FBXL7: variants seen among roughly 807,000 people sequenced by gnomAD.
FBXL7 encodes F-box and leucine rich repeat protein 7, also known as F-box/LRR-repeat protein 7.
In FBXL7, 12 loss-of-function variants were observed where a neutral mutation model predicts 38.3. The ratio of observed to expected loss-of-function variants is 0.31; its 90% CI spans 0.20 to 0.51. The LOEUF (loss-of-function observed/expected upper bound fraction) is 0.51, where lower values mean the gene tolerates loss of function less well. Among genes scored for constraint, FBXL7 ranks in the 20% least tolerant of loss-of-function variants. The pLI is 0.98. For synonymous variants in FBXL7, 297 were observed against 300.9 expected, an observed-to-expected ratio of 0.99 and a Z score of 0.13; for missense variants, 567 against 676.4, an observed-to-expected ratio of 0.84 and a Z score of 1.79.
At chr5:15,735,998 T>A (rs560520088) in intron 2 of FBXL7, among the ~76,000 whole-genome samples, 6 of 152,368 alleles carry the variant, frequency 3.9e-5, no homozygotes, top group Admixed American at 2.6e-4. Context: ...TGTTTCATAG[T>A]AAGCCATGGA....
intron 2 of FBXL7, among the ~76,000 whole-genome samples, chr5:15,856,867 G>A (rs1739287848): frequency 6.6e-6 from 1 of 151,830 alleles, no homozygotes; most frequent in Non-Finnish European, 1.5e-5. Flanking sequence ...AGCATTATCT[G>A]TCATAGTTAA....
intron 1 of FBXL7, among the ~76,000 whole-genome samples, chr5:15,575,064 G>A (rs768695800): frequency 2.6e-5 from 4 of 152,084 alleles, no homozygotes; most frequent in African/African-American, 4.8e-5. Context: ...CTGGCATCTG[G>A]CATCTAGTGA....
chr5:15,524,388 T>C (rs1446721950), intron 1 of FBXL7, among the ~76,000 whole-genome samples: 1 of 152,230 alleles, frequency 6.6e-6, no homozygotes, highest in Non-Finnish European at 1.5e-5. Flanking sequence ...ATTTCTATAA[T>C]AAACAGACCT....
rs1054774361 is a variant in FBXL7, at chr5:15,541,693, C to T, written c.37+40980C>T. On this transcript the variant is annotated intron_variant, in intron 1 of 3. Coordinates refer to ENST00000504595, the MANE Select transcript of FBXL7 (RefSeq NM_012304.5). ...CCAAGTAGCTGGGATTACAGGCGCC[C>T]GCCACCACGCTTGGCTGATTTTTGT... Among the ~76,000 whole-genome samples, 37 of 150,884 alleles carry T rather than the reference C, an allele frequency of 2.5e-4. 1 individual carries two copies. Among genetic ancestry groups the T allele is most frequent in the Non-Finnish European group, 3.5e-4 (24 of 67,704 alleles).
intron 1 of FBXL7, among the ~76,000 whole-genome samples, chr5:15,531,962 C>T (rs1014199146): frequency 5.3e-5 from 8 of 152,190 alleles, no homozygotes; most frequent in Admixed American, 5.2e-4. Flanking sequence ...TTACTAACAT[C>T]TCTAAACCAT....
chr5:15,735,996 A>G lies in FBXL7; in HGVS notation c.127+119924A>G, dbSNP rs142341623. Among the ~76,000 whole-genome samples, 350 of 152,352 alleles carry G rather than the reference A, an allele frequency of 2.3e-3. 3 individuals are homozygous for G. The highest frequency in any genetic ancestry group is 8.0e-3 in the African/African-American group (334 of 41,582). On this transcript the variant is annotated intron_variant, in intron 2 of 3. Coordinates refer to ENST00000504595, the MANE Select transcript of FBXL7 (RefSeq NM_012304.5). ...GAGAGCAGGACGAATAGTGTTTCATAGTAAGCCATGGAATTGGATTTGATG... is the reference window on the plus strand; with the variant it reads ...GAGAGCAGGACGAATAGTGTTTCATGGTAAGCCATGGAATTGGATTTGATG...
At chr5:15,769,283 G>A (rs1243486948) in intron 2 of FBXL7, among the ~76,000 whole-genome samples, 1 of 152,154 alleles carries the variant, frequency 6.6e-6, no homozygotes, top group Non-Finnish European at 1.5e-5. Context: ...CATTATTTGA[G>A]CATACAACTT....
chr5:15,792,171 C>G (rs773679080), intron 2 of FBXL7, among the ~76,000 whole-genome samples: 2 of 152,170 alleles, frequency 1.3e-5, no homozygotes, highest in African/African-American at 2.4e-5. Flanking sequence ...ATGCACCTGA[C>G]ATCGTAGCTG....
In FBXL7 at chr5:15,760,480, C is replaced by A. The variant is rs379942; in HGVS notation, c.127+144408C>A. On this transcript the variant is annotated intron_variant, in intron 2 of 3. Coordinates refer to ENST00000504595, the MANE Select transcript of FBXL7 (RefSeq NM_012304.5). ...GAGTCCTAGATGAAAGTATTCAGGT[C>A]CGTCATGCTTCAGCTGTATACCTGC... 1.6e-4 allele frequency among the ~76,000 whole-genome samples: 25 copies of A among 151,542 alleles called. No homozygotes were observed. The East Asian group carries it at 4.8e-3, about 29-fold the overall frequency.
chr5:15,770,252 G>C (rs368814015), intron 2 of FBXL7, among the ~76,000 whole-genome samples: 103 of 152,298 alleles, frequency 6.8e-4, no homozygotes, highest in African/African-American at 2.3e-3. Flanking sequence ...GGGCCCCAGT[G>C]TGCCCAGCCT....
At chr5:15,612,229 A>T (rs1488250459) in intron 1 of FBXL7, among the ~76,000 whole-genome samples, 1 of 151,796 alleles carries the variant, frequency 6.6e-6, no homozygotes, top group Non-Finnish European at 1.5e-5. Context: ...ACTTAGGGAA[A>T]AAAAGTCTAA....
chr5:15,853,278 A>G lies in FBXL7; in HGVS notation c.128-74612A>G, dbSNP rs370644891. Reference sequence around the variant, plus strand: ...GCACACCCCAGGGCTGATTCAGTGAAGTGGGGTTTGAGATAGAGGGGCCAT... The same window carrying G: ...GCACACCCCAGGGCTGATTCAGTGAGGTGGGGTTTGAGATAGAGGGGCCAT... On this transcript the variant is annotated intron_variant, in intron 2 of 3. Transcript: ENST00000504595. Among the ~76,000 whole-genome samples, 9 of 152,204 alleles carry G rather than the reference A, an allele frequency of 5.9e-5. No homozygotes were observed. The East Asian group carries it at 1.6e-3, about 26-fold the overall frequency.
intron 2 of FBXL7, among the ~76,000 whole-genome samples, chr5:15,713,726 C>T (rs1231858056): frequency 6.6e-6 from 1 of 152,060 alleles, no homozygotes; most frequent in Non-Finnish European, 1.5e-5. Flanking sequence ...ATTTCAAATA[C>T]AAGAAATTAA....
chr5:15,792,012 A>G (rs1737290479), intron 2 of FBXL7, among the ~76,000 whole-genome samples: 1 of 152,138 alleles, frequency 6.6e-6, no homozygotes. Flanking sequence ...CACAACAAGT[A>G]TTTTTGTTTA....
At chr5:15,508,974 T>C (rs1386617755) in intron 1 of FBXL7, among the ~76,000 whole-genome samples, 1 of 152,204 alleles carries the variant, frequency 6.6e-6, no homozygotes, top group Admixed American at 6.5e-5. Context: ...TATCGTTACT[T>C]TTATTACTGC....
At chr5:15,722,930 C>CAAAAAAAAACAA (rs1554017098) in intron 2 of FBXL7, among the ~76,000 whole-genome samples, 7 of 142,120 alleles carry the variant, frequency 4.9e-5, no homozygotes, top group African/African-American at 1.8e-4. Flanking sequence ...TCAAAAAAAA[C>CAAAAAAAAACAA]AAAAAAAAAA....
rs567802485 is a variant in FBXL7 at position 15,932,478 on chromosome 5, G to A, written c.740-3972G>A. Among the ~76,000 whole-genome samples, 9 of 152,242 alleles carry A rather than the reference G, an allele frequency of 5.9e-5. No individual in the cohort carries two copies. In the South Asian group the frequency reaches 1.9e-3, roughly 32 times the overall value. On this transcript the variant is annotated intron_variant, in intron 3 of 3. Transcript: ENST00000504595. ...GAAATCTGGGATTAACTGAAGAAAC[G>A]CCGCAGATTTATTCAACCTATGTTG...
At chr5:15,689,611 T>G (rs1743122147) in intron 2 of FBXL7, among the ~76,000 whole-genome samples, 1 of 152,206 alleles carries the variant, frequency 6.6e-6, no homozygotes, top group Admixed American at 6.5e-5. Flanking sequence ...CCTCAAAAGG[T>G]AGGTTGCACT....
intron 2 of FBXL7, among the ~76,000 whole-genome samples, chr5:15,739,679 G>A (rs1735845053): frequency 6.6e-6 from 1 of 152,030 alleles, no homozygotes; most frequent in African/African-American, 2.4e-5. Flanking sequence ...TCTTTACAAG[G>A]TTCATTTATG....
Sources: allele counts gnomAD v4.1 joint callset (sites outside exome capture counted in the v4.1 genomes callset), GRCh38; gene constraint gnomAD v4.1.1; transcripts MANE v1.5; gene names NCBI Gene and HGNC (gene_info 2026-07-23, HGNC 2026-07-21).